The following SLC25A31 variants were observed in gnomAD, a reference collection of about 807,000 sequenced individuals.
SLC25A31 encodes the protein ADP/ATP translocase 4.
SLC25A31 carries 40 observed loss-of-function variants against 36.2 expected under a neutral mutation model. The ratio of observed to expected loss-of-function variants is 1.10; its 90% confidence interval spans 0.86 to 1.44. SLC25A31 has a LOEUF of 1.44. Among genes scored for constraint, SLC25A31 ranks in the 40% most tolerant of loss-of-function variants. SLC25A31 has a pLI of 0.00. For synonymous variants in SLC25A31, 143 were observed against 149.7 expected, an observed-to-expected ratio of 0.96 and a Z score of 0.32; for missense variants, 350 against 397.1, an observed-to-expected ratio of 0.88 and a Z score of 1.01.
At chr4:127,742,419 G>C (rs1731748187) in intron 1 of SLC25A31, among the ~76,000 whole-genome samples, 1 of 152,092 alleles carries the variant, frequency 6.6e-6, no homozygotes, top group South Asian at 2.1e-4. Flanking sequence ...TGTTGACCAA[G>C]TCCTTCTTCT....
chr4:127,758,933 G>A (rs1376541242), intron 2 of SLC25A31, among the ~76,000 whole-genome samples: 1 of 151,968 alleles, frequency 6.6e-6, no homozygotes, highest in African/African-American at 2.4e-5. Context: ...CTTTTTGCGT[G>A]GGATTCCTTT....
chr4:127,757,078 T>C (rs935831696), intron 2 of SLC25A31, among the ~76,000 whole-genome samples: 1 of 152,218 alleles, frequency 6.6e-6, no homozygotes, highest in African/African-American at 2.4e-5. Flanking sequence ...TGTCCTTCAG[T>C]AGGCAAATGA....
chr4:127,768,690 A>G, intron 4 of SLC25A31, 62 bp from the exon 5 acceptor site: 1 of 1,379,396 alleles, frequency 7.2e-7, no homozygotes, highest in East Asian at 2.5e-5. Flanking sequence ...TTATCCTTTA[A>G]CTTAAGAATT....
Position 127,744,743 on chromosome 4 carries a change from G to T in SLC25A31, c.304G>T (p.Ala102Ser). ...TTTTCCAACACAAGCTCTAAACTTT[G>T]CTTTTAAGGACAAATACAAGCAGCT... is the stretch of plus-strand genomic sequence containing the variant. ...RYFPTQALNF[A>S]FKDKYKQLFM... Residue 102 changes from alanine (A) to serine (S), a missense_variant, in exon 2 of 6, where the codon GCT (alanine) becomes TCT (serine). Physicochemically the swap from Ala to Ser is moderately conservative, Grantham distance 99. Coordinates refer to ENST00000281154, the MANE Select transcript of SLC25A31 (RefSeq NM_031291.4). The T allele has an allele frequency of 6.2e-7, 1 of 1,602,218 alleles. No homozygotes were observed. The highest frequency in any genetic ancestry group is 1.1e-5 in the South Asian group (1 of 88,502).
chr4:127,734,640 G>A (rs528287025), intron 1 of SLC25A31, among the ~76,000 whole-genome samples: 13 of 149,492 alleles, frequency 8.7e-5, no homozygotes, highest in East Asian at 3.9e-4. Context: ...TAGGAGTTCC[G>A]TGTCACGAGT....
chr4:127,759,440 A>G (rs148330700), intron 2 of SLC25A31, among the ~76,000 whole-genome samples: 3 of 152,076 alleles, frequency 2.0e-5, no homozygotes, highest in Non-Finnish European at 2.9e-5. Context: ...CCCTTTTCCT[A>G]TTTCGATGCC....
chr4:127,758,490 A>G (rs1732072457), intron 2 of SLC25A31, among the ~76,000 whole-genome samples: 1 of 151,930 alleles, frequency 6.6e-6, no homozygotes, highest in South Asian at 2.1e-4. Flanking sequence ...CCATTTGTCA[A>G]TTTTTGTTTT....
At chr4:127,734,301 T>C (rs1229647422) in intron 1 of SLC25A31, among the ~76,000 whole-genome samples, 2 of 152,154 alleles carry the variant, frequency 1.3e-5, no homozygotes, top group African/African-American at 4.8e-5. Context: ...GGCTCATGCC[T>C]GTAATGCCAG....
At chr4:127,755,492 A>G (rs1040772249) in intron 2 of SLC25A31, among the ~76,000 whole-genome samples, 1 of 152,194 alleles carries the variant, frequency 6.6e-6, no homozygotes, top group Non-Finnish European at 1.5e-5. Flanking sequence ...ACCTAAAGAG[A>G]CACTTCTCAA....
chr4:127,740,723 T>A (rs927992918), intron 1 of SLC25A31, among the ~76,000 whole-genome samples: 2 of 152,136 alleles, frequency 1.3e-5, no homozygotes. Flanking sequence ...GAAGGCCTCC[T>A]CCACACAGAT....
chr4:127,763,504 A>G (rs1732181861), intron 2 of SLC25A31, among the ~76,000 whole-genome samples: 1 of 152,216 alleles, frequency 6.6e-6, no homozygotes, highest in Admixed American at 6.5e-5. Flanking sequence ...TTCTTCTCGC[A>G]TAAGCACTAG....
At chr4:127,734,556 C>CAAAA (rs34838538) in intron 1 of SLC25A31, among the ~76,000 whole-genome samples, 2 of 62,244 alleles carry the variant, frequency 3.2e-5, no homozygotes, top group South Asian at 8.3e-4. Flanking sequence ...AAGACTGTCT[C>CAAAA]AAAAAAAAAA....
intron 1 of SLC25A31, among the ~76,000 whole-genome samples, chr4:127,736,347 T>C (rs1213554161): frequency 6.6e-6 from 1 of 152,128 alleles, no homozygotes; most frequent in African/African-American, 2.4e-5. Flanking sequence ...AACTTAAACT[T>C]TTATTTATTT....
chr4:127,744,265 T>A (rs1731782933), intron 1 of SLC25A31, among the ~76,000 whole-genome samples: 1 of 152,220 alleles, frequency 6.6e-6, no homozygotes, highest in African/African-American at 2.4e-5. Context: ...TAAGTATGTG[T>A]ACAAATCAGT....
intron 3 of SLC25A31, among the ~76,000 whole-genome samples, chr4:127,764,631 A>G (rs1732205471): frequency 6.6e-6 from 1 of 152,122 alleles, no homozygotes; most frequent in Non-Finnish European, 1.5e-5. Flanking sequence ...AGCCCTTCCT[A>G]GATTTTTTTC....
At chr4:127,732,391 C>G (rs989569763) in intron 1 of SLC25A31, among the ~76,000 whole-genome samples, 1 of 152,186 alleles carries the variant, frequency 6.6e-6, no homozygotes, top group Non-Finnish European at 1.5e-5. Flanking sequence ...TAGTTTGCCT[C>G]TCTCCACTCA....
intron 2 of SLC25A31, among the ~76,000 whole-genome samples, chr4:127,762,554 T>C (rs531821734): frequency 9.9e-5 from 15 of 152,160 alleles, no homozygotes; most frequent in Admixed American, 7.9e-4. Context: ...ACGCTTTACA[T>C]AGGTGAATTT....
At chr4:127,730,806 C>A in intron 1 of SLC25A31, 29 bp downstream of exon 1, 1 of 1,582,990 alleles carries the variant, frequency 6.3e-7, no homozygotes, top group Non-Finnish European at 8.6e-7. Context: ...CCCCGACAGC[C>A]TCTCCCGGCG....
rs1732412957 is a variant in SLC25A31 at position 127,773,679 on chromosome 4, T to TA, written c.*108dup. The TA allele has an allele frequency of 4.4e-6, 4 of 906,806 alleles. No individual in the cohort carries two copies. The East Asian group carries it at 8.4e-5, about 19-fold the overall frequency. The allele number at this position is 906,806 out of a possible 1,614,324, so 56.2% of individuals were successfully genotyped here. On this transcript the variant is annotated 3_prime_UTR_variant, in exon 6 of 6. Coordinates refer to ENST00000281154, the MANE Select transcript of SLC25A31 (RefSeq NM_031291.4). ...GATAGTGTTATTGTCTGTATTTTGT[T>TA]AAAGTGCTAGTTCTGCAATAAAGCA...
Sources: gnomAD v4.1 joint callset for allele counts (sites outside exome capture counted in the v4.1 genomes callset) on GRCh38, gnomAD v4.1.1 for gene constraint, MANE v1.5 for transcripts, NCBI Gene and HGNC (gene_info 2026-07-23, HGNC 2026-07-21) for gene names.